SYNE2: variants seen among roughly 807,000 people sequenced by gnomAD.
The protein encoded by SYNE2 is spectrin repeat containing nuclear envelope protein 2.
Under a neutral mutation model 856.3 loss-of-function variants are expected in SYNE2, and 431 were observed. The ratio of observed to expected loss-of-function variants is 0.50; its 90% CI spans 0.47 to 0.55. The LOEUF is 0.55. Ranked by LOEUF, SYNE2 falls within the 20% of genes least tolerant of loss-of-function variation. The pLI is 0.00. For missense variants in SYNE2, 8,129 were observed against 8,023.2 expected, an observed-to-expected ratio of 1.01 and a Z score of -0.50; for synonymous variants, 2,923 against 2,872.3, an observed-to-expected ratio of 1.02 and a Z score of -0.56.
chr14:63,959,707 CCTT>C (rs1446044485), intron 8 of SYNE2, among the ~76,000 whole-genome samples: 2 of 151,962 alleles, frequency 1.3e-5, no homozygotes, highest in Non-Finnish European at 2.9e-5. Context: ...TCCTTTTTTA[CCTT>C]CTTTTCTCCC....
chr14:64,084,443 G>C (rs963851307), intron 57 of SYNE2: 1 of 152,636 alleles, frequency 6.6e-6, no homozygotes, highest in Non-Finnish European at 1.5e-5. Context: ...ATCACTCACT[G>C]TTTCCTATTA....
At chr14:63,948,623 T>G (rs1316279499) in intron 6 of SYNE2, among the ~76,000 whole-genome samples, 4 of 147,844 alleles carry the variant, frequency 2.7e-5, no homozygotes, top group African/African-American at 1.0e-4. Context: ...ATTGCACCAC[T>G]GCCCTCCAGC....
chr14:64,207,254 G>T (rs550993533), intron 100 of SYNE2, among the ~76,000 whole-genome samples: 1 of 152,150 alleles, frequency 6.6e-6, no homozygotes, highest in Non-Finnish European at 1.5e-5. Context: ...CTCAATGATC[G>T]GAATTGTGTA....
intron 32 of SYNE2, 82 bp from the exon 33 acceptor site, chr14:64,016,391 C>T (rs1285503915): frequency 2.2e-6 from 2 of 925,068 alleles, no homozygotes; most frequent in African/African-American, 1.7e-5. Context: ...TTTTTAAGCT[C>T]AATATCCAAC....
rs1438674251 is a variant in SYNE2 at position 64,098,811 on chromosome 14, T to G, written c.12371T>G (p.Val4124Gly). The stretch of plus-strand genomic sequence containing the variant: ...GAGGAAGAGGTGGAAGAAAGTTCCG[T>G]GAAGAGCGATGTAAGGGAAATGATT... ...AVEEEVEESSVKSDNGDEKAE... is the reference protein window; with the variant it reads ...AVEEEVEESSGKSDNGDEKAE... The change falls in exon 63 of 116, where the codon GTG (valine) becomes GGG (glycine). Residue 4124 changes from valine (V) to glycine (G), a missense_variant. Val to Gly is a moderately radical substitution (Grantham distance 109). This residue lies in a region of SYNE2 where 5,410 missense variants were observed against 5,284.8 expected (regional missense o/e 1.02). Transcript: ENST00000555002. 9 of 1,614,052 alleles carry G rather than the reference T, an allele frequency of 5.6e-6. No homozygotes were observed. The highest frequency in any genetic ancestry group is 7.6e-6 in the Non-Finnish European group (9 of 1,180,002).
At chr14:64,135,962 G>A (rs2098084349) in intron 78 of SYNE2, among the ~76,000 whole-genome samples, 1 of 152,146 alleles carries the variant, frequency 6.6e-6, no homozygotes, top group African/African-American at 2.4e-5. Context: ...GCTCAGCCTA[G>A]TTACTCGTGC....
At chr14:64,062,695 AT>A in intron 49 of SYNE2, 55 bp from the exon 50 acceptor site, 1 of 1,482,752 alleles carries the variant, frequency 6.7e-7, no homozygotes, top group African/African-American at 1.4e-5. Flanking sequence ...GAAATTTTGA[AT>A]TTATTGTGTT....
intron 34 of SYNE2, among the ~76,000 whole-genome samples, chr14:64,019,614 G>A (rs749174463): frequency 6.6e-6 from 1 of 152,150 alleles, no homozygotes; most frequent in Non-Finnish European, 1.5e-5. Context: ...ACTGACAGCT[G>A]TGGGCCAAAA....
rs773304417 is a variant in SYNE2, at chr14:64,052,261, A to T, written c.8348A>T (p.Glu2783Val). Residue 2783 changes from glutamate to valine, a missense_variant, in exon 48 of 116, where the codon GAA becomes GTA. Glu to Val is a moderately radical substitution (Grantham distance 121, BLOSUM62 -2). This residue lies in a region of SYNE2 where 5,410 missense variants were observed against 5,284.8 expected (regional missense o/e 1.02). Coordinates refer to ENST00000555002, the MANE Select transcript of SYNE2 (RefSeq NM_182914.3). ...ATTCTAGCTAGGCAGCAGTCTGTGG[A>T]ATCGTTGGCTGAAGAGGTCAAAGAT... ...DGILARQQSV[E>V]SLAEEVKDKV... 1.7e-5 allele frequency: 28 copies of T among 1,614,096 alleles called. No individual in the cohort carries two copies. The highest frequency in any genetic ancestry group is 2.2e-5 in the Non-Finnish European group (26 of 1,180,048).
chr14:64,026,035 T>C (rs2096975601), intron 41 of SYNE2, among the ~76,000 whole-genome samples: 2 of 152,230 alleles, frequency 1.3e-5, no homozygotes, highest in Non-Finnish European at 1.5e-5. Context: ...CATTGAAGCA[T>C]TCTTAGAGGA....
At chr14:63,780,252 G>A (rs1031784851) in intron 1 of SYNE2, among the ~76,000 whole-genome samples, 1 of 152,014 alleles carries the variant, frequency 6.6e-6, no homozygotes, top group African/African-American at 2.4e-5. Flanking sequence ...AATAAAAAGG[G>A]GCCAGGCATT....
chr14:64,155,489 TCATG>T (rs2098278581), intron 85 of SYNE2, among the ~76,000 whole-genome samples: 1 of 151,612 alleles, frequency 6.6e-6, no homozygotes, highest in African/African-American at 2.4e-5. Flanking sequence ...CTTTTCAGAG[TCATG>T]AAAATGTTCT....
intron 85 of SYNE2, among the ~76,000 whole-genome samples, chr14:64,157,970 G>A (rs1383289483): frequency 6.6e-6 from 1 of 152,118 alleles, no homozygotes; most frequent in African/African-American, 2.4e-5. Context: ...ACATACTCTT[G>A]ATTGTATCTG....
chr14:64,224,561 T>C lies in SYNE2; in HGVS notation c.20469+14T>C, dbSNP rs1396232094. The stretch of plus-strand genomic sequence containing the variant: ...CCCCGAGCAAAGGTAAGAAGCCCCT[T>C]CCTTCTGTGAGAACCTCACTGGTTA... On this transcript the variant is annotated intron_variant, in intron 114 of 115. Transcript: ENST00000555002. 1 of 1,613,878 alleles carries C rather than the reference T, an allele frequency of 6.2e-7. No individual in the cohort carries two copies. Among genetic ancestry groups the C allele is most frequent in the Admixed American group, 1.7e-5 (1 of 60,000 alleles).
chr14:63,930,620 C>T (rs118060439), intron 2 of SYNE2, among the ~76,000 whole-genome samples: 3 of 151,310 alleles, frequency 2.0e-5, no homozygotes, highest in African/African-American at 4.9e-5. Flanking sequence ...TGCAAACCTT[C>T]GCCTCCCAAG....
rs760553703 is a variant in SYNE2, at chr14:64,220,607, G to A, written c.20031G>A (p.Gly6677=). 7 of 1,613,946 alleles carry A rather than the reference G, an allele frequency of 4.3e-6. No homozygotes were observed. The Admixed American group carries it at 1.2e-4, about 27-fold the overall frequency. The part of the protein sequence containing the change: ...AAQGAVDSWR[G]GLRQSLMQCQ... ...AGGGCGCAGTGGACAGCTGGAGAGGGGGCTTACGACAGTCGCTCATGCAGT... is the reference window on the plus strand; with the variant it reads ...AGGGCGCAGTGGACAGCTGGAGAGGAGGCTTACGACAGTCGCTCATGCAGT... The change falls in exon 111 of 116, where the codon GGG becomes GGA. Residue 6677 remains glycine (G), a synonymous_variant. Coordinates refer to ENST00000555002, the MANE Select transcript of SYNE2 (RefSeq NM_182914.3).
At chr14:63,800,096 A>C (rs1019877060) in intron 1 of SYNE2, among the ~76,000 whole-genome samples, 17 of 152,208 alleles carry the variant, frequency 1.1e-4, no homozygotes, top group Admixed American at 1.1e-3. Context: ...TAGCCTGTTC[A>C]TTTGAGGTTC....
chr14:64,188,388 T>G (rs2098502139), intron 97 of SYNE2, among the ~76,000 whole-genome samples, 162 bp from the exon 98 acceptor site: 1 of 152,214 alleles, frequency 6.6e-6, no homozygotes, highest in Non-Finnish European at 1.5e-5. Flanking sequence ...GTAAGGAACT[T>G]CTGTTGATGC....
intron 52 of SYNE2, among the ~76,000 whole-genome samples, chr14:64,073,648 A>G (rs2097431346): frequency 2.0e-5 from 3 of 152,182 alleles, no homozygotes; most frequent in Admixed American, 6.5e-5. Context: ...TTCCATTCAC[A>G]CCTCTAAGTC....
Sources: gnomAD v4.1 joint callset for allele counts (sites outside exome capture counted in the v4.1 genomes callset) on GRCh38, gnomAD v4.1.1 for gene constraint, gnomAD v4.1.1 regional missense constraint, MANE v1.5 for transcripts, NCBI Gene and HGNC (gene_info 2026-07-23, HGNC 2026-07-21) for gene names.